IQCE: variants seen among roughly 807,000 people sequenced by gnomAD.
IQCE encodes IQ domain-containing protein E.
Under a neutral mutation model 96.0 loss-of-function variants are expected in IQCE, and 115 were observed. That is an observed-to-expected ratio of 1.20 (90% CI 1.03 to 1.40). The LOEUF (loss-of-function observed/expected upper bound fraction) is 1.40. Among genes scored for constraint, IQCE ranks in the 40% most tolerant of loss-of-function variants. The pLI is 0.00. For synonymous variants in IQCE, 412 were observed against 371.2 expected (o/e 1.11, Z -1.26); for missense variants, 1,041 against 909.1 (o/e 1.15, Z -1.87).
intron 9 of IQCE, 91 bp from the exon 10 acceptor site, chr7:2,583,546 C>T: frequency 1.1e-6 from 1 of 933,602 alleles, no homozygotes. Context: ...CAAAGCCTCT[C>T]CTCTTCTGAA....
intron 8 of IQCE, among the ~76,000 whole-genome samples, chr7:2,581,288 C>T (rs1583438351): frequency 6.6e-6 from 1 of 152,064 alleles, no homozygotes; most frequent in East Asian, 2.0e-4. Flanking sequence ...TCACTGCACC[C>T]TCCACTTCCC....
At chr7:2,570,160 C>A (rs1005437830) in intron 3 of IQCE, among the ~76,000 whole-genome samples, 35 of 152,166 alleles carry the variant, frequency 2.3e-4, no homozygotes, top group African/African-American at 7.0e-4. Context: ...TTTCATCGTC[C>A]TGGTCACTCT....
rs1368567590 is a variant in IQCE, at chr7:2,610,534, C to T, written c.*372C>T. The stretch of plus-strand genomic sequence containing the variant: ...GTGAGGAGCTGCTATCCGCAACCAG[C>T]GCCGACACCATGCCCCCTCTTCCTG... On this transcript the variant is annotated 3_prime_UTR_variant, in exon 22 of 22. Coordinates refer to ENST00000402050, the MANE Select transcript of IQCE (RefSeq NM_152558.5). 5.0e-6 allele frequency: 1 copy of T among 200,526 alleles called. No individual in the cohort carries two copies. Among genetic ancestry groups the T allele is most frequent in the South Asian group, 7.8e-5 (1 of 12,818 alleles). The allele number at this position is 200,526 out of a possible 1,614,324, so 12.4% of individuals were successfully genotyped here. A position where few individuals can be genotyped will look rare whatever the true frequency, so the allele number is the denominator to read the frequency against.
Position 2,613,052 on chromosome 7 carries a change from AG to A in IQCE, c.*2891del, listed in dbSNP as rs1404021937. ...CACCTCCACATCACCTTGAACTTCA[AG>A]AACAGCAGCAAAGCTGTATCTGCTA... On this transcript the variant is annotated 3_prime_UTR_variant, in exon 22 of 22. Transcript: ENST00000402050. 1 of 152,266 alleles carries A rather than the reference AG, an allele frequency of 6.6e-6. No homozygotes were observed. Among genetic ancestry groups the A allele is most frequent in the African/African-American group, 2.4e-5 (1 of 41,442 alleles). The allele number at this position is 152,266 out of a possible 1,614,324, so 9.4% of individuals were successfully genotyped here.
chr7:2,588,633 G>T (rs1486771031), intron 13 of IQCE, among the ~76,000 whole-genome samples: 1 of 139,472 alleles, frequency 7.2e-6, no homozygotes, highest in African/African-American at 2.7e-5. Context: ...GATTACAGAC[G>T]TGAGCCACTG....
At chr7:2,604,417 C>T (rs1784645039) in intron 18 of IQCE, among the ~76,000 whole-genome samples, 1 of 152,176 alleles carries the variant, frequency 6.6e-6, no homozygotes, top group Non-Finnish European at 1.5e-5. Context: ...AGCCACATAG[C>T]CTAAGAAAAT....
chr7:2,566,895 G>A (rs1354381872), intron 1 of IQCE, among the ~76,000 whole-genome samples: 1 of 152,214 alleles, frequency 6.6e-6, no homozygotes, highest in East Asian at 1.9e-4. Flanking sequence ...CACGCCTGCT[G>A]GGCGGCGTTT....
At chr7:2,567,777 G>T (rs1441070858) in intron 2 of IQCE, among the ~76,000 whole-genome samples, 2 of 152,254 alleles carry the variant, frequency 1.3e-5, no homozygotes, top group African/African-American at 4.8e-5. Flanking sequence ...GGCACCAGCA[G>T]ATCTCAATTC....
chr7:2,576,331 T>G (rs765656777), intron 6 of IQCE, among the ~76,000 whole-genome samples: 12 of 152,204 alleles, frequency 7.9e-5, no homozygotes, highest in Non-Finnish European at 1.5e-4. Flanking sequence ...ACGAAAATAG[T>G]AGGAAGAACA....
At chr7:2,592,397 G>A (rs911403394) in intron 14 of IQCE, among the ~76,000 whole-genome samples, 17 of 130,532 alleles carry the variant, frequency 1.3e-4, no homozygotes, top group East Asian at 3.9e-4. Context: ...GTCAAGTGGC[G>A]TGACAAGAGC....
At chr7:2,606,241 C>T (rs567213610) in intron 20 of IQCE, among the ~76,000 whole-genome samples, 1 of 152,284 alleles carries the variant, frequency 6.6e-6, no homozygotes, top group East Asian at 1.9e-4. Flanking sequence ...AGAGTCGCTT[C>T]TTCCCTACCG....
At chr7:2,589,680 G>A (rs919608160) in intron 13 of IQCE, among the ~76,000 whole-genome samples, 6 of 152,228 alleles carry the variant, frequency 3.9e-5, no homozygotes, top group East Asian at 1.9e-4. Flanking sequence ...CTGGCTTGGC[G>A]GGGGTCTGCG....
chr7:2,588,125 C>T (rs951939898), intron 13 of IQCE, among the ~76,000 whole-genome samples: 6 of 152,330 alleles, frequency 3.9e-5, no homozygotes, highest in Non-Finnish European at 7.4e-5. Context: ...GAGCCCCTCA[C>T]AGTCCAGCCC....
intron 3 of IQCE, among the ~76,000 whole-genome samples, chr7:2,569,649 C>T (rs1036653089): frequency 1.3e-5 from 2 of 152,256 alleles, no homozygotes; most frequent in East Asian, 3.9e-4. Context: ...CGAATGTGTT[C>T]GTGACCCTGT....
chr7:2,578,767 C>T (rs77104438), intron 8 of IQCE, among the ~76,000 whole-genome samples: 3,799 of 152,284 alleles, frequency 0.025, 163 homozygotes, highest in African/African-American at 0.086. Context: ...GGGCGACTTC[C>T]CCCTCACACC....
chr7:2,569,229 G>A (rs935269948), intron 3 of IQCE, among the ~76,000 whole-genome samples: 2 of 152,070 alleles, frequency 1.3e-5, no homozygotes, highest in Admixed American at 6.6e-5. Context: ...CCAGAGTGAC[G>A]AGCCCTTTCT....
intron 1 of IQCE, among the ~76,000 whole-genome samples, chr7:2,562,231 G>C (rs1781015370): frequency 7.1e-6 from 1 of 141,468 alleles, no homozygotes. Flanking sequence ...TCTTGGTCTT[G>C]GGGTGTGTGT....
chr7:2,605,700 G>A (rs1784765294), intron 19 of IQCE, among the ~76,000 whole-genome samples, 176 bp from the exon 20 acceptor site: 1 of 152,010 alleles, frequency 6.6e-6, no homozygotes, highest in South Asian at 2.1e-4. Flanking sequence ...TAAAAATTCA[G>A]AACCTGCCAC....
intron 18 of IQCE, among the ~76,000 whole-genome samples, chr7:2,603,872 G>A (rs1039670733): frequency 9.2e-5 from 14 of 152,116 alleles, no homozygotes; most frequent in South Asian, 4.2e-4. Context: ...TTCTTCTAAC[G>A]AGTTTGAGAG....
Sources: allele counts gnomAD v4.1 joint callset (sites outside exome capture counted in the v4.1 genomes callset), GRCh38; gene constraint gnomAD v4.1.1; transcripts MANE v1.5; gene names NCBI Gene and HGNC (gene_info 2026-07-23, HGNC 2026-07-21).